Variants in KCNMB2 observed in about 807,000 individuals in gnomAD.
KCNMB2 encodes the protein calcium-activated potassium channel subunit beta-2.
In KCNMB2, 9 loss-of-function variants were observed where a neutral mutation model predicts 24.5. That is an observed-to-expected ratio of 0.37 (90% CI 0.22 to 0.64). KCNMB2 has a LOEUF of 0.64. Among genes scored for constraint, KCNMB2 ranks in the 30% least tolerant of loss-of-function variants. The pLI, the probability that KCNMB2 is intolerant of heterozygous loss-of-function variation, is 0.63. For synonymous variants in KCNMB2, 109 were observed against 104.4 expected (o/e 1.04, Z -0.27); for missense variants, 226 against 284.3 (o/e 0.79, Z 1.47).
intron 4 of KCNMB2, among the ~76,000 whole-genome samples, chr3:178,838,737 C>A (rs906889417): frequency 3.3e-5 from 5 of 152,136 alleles, no homozygotes; most frequent in Non-Finnish European, 7.4e-5. Context: ...ACCCCAAAAC[C>A]TATATCAATG....
At chr3:178,824,224 C>T (rs73053748) in intron 2 of KCNMB2, among the ~76,000 whole-genome samples, 40,127 of 152,070 alleles carry the variant, frequency 0.26, 7,101 homozygotes, top group African/African-American at 0.51. Context: ...GCTTTATACA[C>T]TACTCATTTT....
chr3:178,757,315 A>G (rs1724108905), intron 1 of KCNMB2, among the ~76,000 whole-genome samples: 1 of 113,840 alleles, frequency 8.8e-6, no homozygotes, highest in African/African-American at 3.3e-5. Flanking sequence ...TATCCATCCA[A>G]GAGGACATAT....
intron 1 of KCNMB2, among the ~76,000 whole-genome samples, chr3:178,785,995 GAT>G (rs951377472): frequency 8.5e-5 from 13 of 152,070 alleles, no homozygotes; most frequent in African/African-American, 3.1e-4. Flanking sequence ...GTGTAATACT[GAT>G]AGCAAAAGAA....
chr3:178,577,014 C>A (rs1318567325), intron 1 of KCNMB2, among the ~76,000 whole-genome samples: 1 of 152,202 alleles, frequency 6.6e-6, no homozygotes, highest in Non-Finnish European at 1.5e-5. Context: ...ACTGCCTCCT[C>A]AAGTGGGTCC....
rs769490008 is a variant in KCNMB2, at chr3:178,842,780, G to C, written c.551G>C (p.Ser184Thr). Residue 184 changes from serine to threonine, a missense_variant, in exon 5 of 5, where the codon AGT becomes ACT. Transcript: ENST00000452583. ...TCTGACCCAGAAGGAAACCAGAAGA[G>C]TGTTATCCTAACAAAACTCTACAGT... ...CYSDPEGNQK[S>T]VILTKLYSSN... 6.2e-7 allele frequency: 1 copy of C among 1,613,960 alleles called. No individual in the cohort carries two copies. The highest frequency in any genetic ancestry group is 2.2e-5 in the East Asian group (1 of 44,876).
intron 1 of KCNMB2, among the ~76,000 whole-genome samples, chr3:178,701,613 G>A (rs947470202): frequency 6.6e-6 from 1 of 151,952 alleles, no homozygotes; most frequent in Non-Finnish European, 1.5e-5. Flanking sequence ...TGAAGGATAC[G>A]AACAGACACT....
intron 1 of KCNMB2, among the ~76,000 whole-genome samples, chr3:178,720,087 G>A (rs577241610): frequency 6.6e-5 from 10 of 151,824 alleles, no homozygotes; most frequent in South Asian, 2.1e-4. Flanking sequence ...CCATTAACTC[G>A]TCATTTAGCA....
chr3:178,843,650 T>TA lies in KCNMB2; in HGVS notation c.*714dup, dbSNP rs1156685570. 3.9e-5 allele frequency: 6 copies of TA among 154,504 alleles called. No individual in the cohort carries two copies. The highest frequency in any genetic ancestry group is 5.7e-5 in the Non-Finnish European group (4 of 69,674). 9.6% of individuals were successfully genotyped at this position (154,504 alleles called of 1,614,324 possible). On this transcript the variant is annotated 3_prime_UTR_variant, in exon 5 of 5. Transcript: ENST00000452583. ...TGCTACTGTGTGAAGAGATGATACT[T>TA]ACAAGGAGTGTCATTACCTGTGAGC... is the stretch of plus-strand genomic sequence containing the variant.
intron 4 of KCNMB2, 150 bp from the exon 5 acceptor site, chr3:178,842,503 A>G (rs1003753653): frequency 8.6e-6 from 5 of 583,038 alleles, no homozygotes; most frequent in African/African-American, 7.4e-5. Context: ...GTTATTTATT[A>G]GGGTTTCCAA....
At chr3:178,694,799 T>C (rs1366543729) in intron 1 of KCNMB2, among the ~76,000 whole-genome samples, 1 of 152,262 alleles carries the variant, frequency 6.6e-6, no homozygotes, top group Non-Finnish European at 1.5e-5. Context: ...CCCTCCCAGC[T>C]GCTTTCACAG....
At chr3:178,645,446 TC>T (rs1719888017) in intron 1 of KCNMB2, among the ~76,000 whole-genome samples, 1 of 152,282 alleles carries the variant, frequency 6.6e-6, no homozygotes, top group South Asian at 2.1e-4. Context: ...GCCATTCATT[TC>T]TTTGGCAGGG....
chr3:178,726,701 G>A (rs1034895731), intron 1 of KCNMB2, among the ~76,000 whole-genome samples: 23 of 151,840 alleles, frequency 1.5e-4, no homozygotes, highest in Admixed American at 1.5e-3. Flanking sequence ...AAATAAAATA[G>A]ACATTCAAAT....
intron 2 of KCNMB2, among the ~76,000 whole-genome samples, chr3:178,819,670 C>A (rs983893325): frequency 2.6e-5 from 4 of 152,116 alleles, no homozygotes; most frequent in Non-Finnish European, 5.9e-5. Flanking sequence ...CTTACCATAA[C>A]CTTTATCAAT....
At chr3:178,697,555 T>C (rs1010879552) in intron 1 of KCNMB2, among the ~76,000 whole-genome samples, 2 of 152,216 alleles carry the variant, frequency 1.3e-5, no homozygotes, top group African/African-American at 4.8e-5. Flanking sequence ...TAGTTCTTTA[T>C]CCAGCTTACC....
chr3:178,759,371 GGA>G (rs1491126344), intron 1 of KCNMB2, among the ~76,000 whole-genome samples: 2 of 34,870 alleles, frequency 5.7e-5, no homozygotes, highest in Non-Finnish European at 9.2e-5. Context: ...ATCTCCAAGA[GGA>G]TATATATATA....
chr3:178,648,714 C>T (rs1720005685), intron 1 of KCNMB2, among the ~76,000 whole-genome samples: 1 of 152,176 alleles, frequency 6.6e-6, no homozygotes, highest in African/African-American at 2.4e-5. Context: ...AATTTGCTTT[C>T]TTTCCTTGCT....
chr3:178,598,715 T>G (rs1717968379), intron 1 of KCNMB2, among the ~76,000 whole-genome samples: 1 of 151,446 alleles, frequency 6.6e-6, no homozygotes, highest in Non-Finnish European at 1.5e-5. Flanking sequence ...AGGGTTAGAG[T>G]GCTCACGTGA....
At chr3:178,705,049 GT>G (rs1425464276) in intron 1 of KCNMB2, among the ~76,000 whole-genome samples, 1 of 152,002 alleles carries the variant, frequency 6.6e-6, no homozygotes, top group Non-Finnish European at 1.5e-5. Flanking sequence ...CCTTTCTAGG[GT>G]TTTCTAAGCC....
intron 2 of KCNMB2, among the ~76,000 whole-genome samples, chr3:178,824,046 G>C (rs749299210): frequency 6.6e-6 from 1 of 152,058 alleles, no homozygotes; most frequent in Non-Finnish European, 1.5e-5. Context: ...TCTCAAAATA[G>C]ACATTGAAAA....
Sources: gnomAD v4.1 joint callset for allele counts (sites outside exome capture counted in the v4.1 genomes callset) on GRCh38, gnomAD v4.1.1 for gene constraint, MANE v1.5 for transcripts, NCBI Gene and HGNC (gene_info 2026-07-23, HGNC 2026-07-21) for gene names.